The following SCNN1B variants were observed in gnomAD, a reference collection of about 807,000 sequenced individuals.
SCNN1B encodes sodium channel epithelial 1 subunit beta.
Under a neutral mutation model 65.3 loss-of-function variants are expected in SCNN1B, and 46 were observed. The observed-to-expected ratio is 0.70, with a 90% confidence interval of 0.56 to 0.90. The LOEUF (loss-of-function observed/expected upper bound fraction) is 0.90. SCNN1B is among the 40% of genes least tolerant of loss of function. The pLI, the probability that SCNN1B is intolerant of heterozygous loss-of-function variation, is 0.00. For synonymous variants in SCNN1B, 349 were observed against 330.6 expected, an observed-to-expected ratio of 1.06 and a Z score of -0.60; for missense variants, 751 against 830.5, an observed-to-expected ratio of 0.90 and a Z score of 1.18.
At chr16:23,295,982 C>T (rs911198986) in intron 2 of SCNN1B, among the ~76,000 whole-genome samples, 10 of 152,166 alleles carry the variant, frequency 6.6e-5, no homozygotes, top group Admixed American at 3.9e-4. Context: ...GAGTCCTGAG[C>T]GTCAGGCTGG....
chr16:23,360,863 C>T (rs1011113288), intron 4 of SCNN1B, among the ~76,000 whole-genome samples: 5 of 152,084 alleles, frequency 3.3e-5, no homozygotes, highest in African/African-American at 9.6e-5. Context: ...GGCACTATCT[C>T]GGCTCACCAC....
intron 1 of SCNN1B, among the ~76,000 whole-genome samples, chr16:23,330,726 C>T (rs1961794172): frequency 6.6e-6 from 1 of 152,124 alleles, no homozygotes; most frequent in Admixed American, 6.6e-5. Context: ...TCATGTGCCA[C>T]CACACCTGGC....
chr16:23,338,509 T>C (rs1961989401), intron 1 of SCNN1B, among the ~76,000 whole-genome samples: 1 of 152,248 alleles, frequency 6.6e-6, no homozygotes, highest in Admixed American at 6.5e-5. Flanking sequence ...TATTCCCCAG[T>C]AATCTTGGAT....
At chr16:23,310,290 CAAAAAAAAAAAA>C (rs202228096) in intron 1 of SCNN1B, among the ~76,000 whole-genome samples, 3 of 93,004 alleles carry the variant, frequency 3.2e-5, no homozygotes, top group South Asian at 3.2e-4. Flanking sequence ...TCTGCATGAC[CAAAAAAAAAAAA>C]AAAAAAAAAA....
chr16:23,374,297 G>A (rs1282409397), intron 7 of SCNN1B, among the ~76,000 whole-genome samples: 15 of 111,052 alleles, frequency 1.4e-4, no homozygotes, highest in Non-Finnish European at 2.5e-4. Context: ...AAAGAGGCCG[G>A]GCGCGATGGC....
chr16:23,341,504 A>T (rs1216474957), intron 1 of SCNN1B, among the ~76,000 whole-genome samples: 1 of 152,210 alleles, frequency 6.6e-6, no homozygotes, highest in Non-Finnish European at 1.5e-5. Flanking sequence ...GACACCATCA[A>T]GAAAGTAAAA....
chr16:23,356,178 G>C (rs1197086646), intron 4 of SCNN1B, among the ~76,000 whole-genome samples: 2 of 152,178 alleles, frequency 1.3e-5, no homozygotes, highest in African/African-American at 4.8e-5. Flanking sequence ...CTAGCAGCTG[G>C]GGGTGGGTGC....
upstream of SCNN1B, chr16:23,302,198 G>C (rs1961098114): frequency 6.6e-6 from 1 of 152,348 alleles, no homozygotes; most frequent in Non-Finnish European, 1.5e-5. Flanking sequence ...GAGGGAGGTG[G>C]CCAGGGGAGC....
intron 1 of SCNN1B, among the ~76,000 whole-genome samples, chr16:23,345,013 G>GAA: frequency 6.7e-6 from 1 of 148,868 alleles, no homozygotes; most frequent in East Asian, 1.9e-4. Context: ...GAGAGAAAGA[G>GAA]AGAGAGAGAG....
intron 1 of SCNN1B, among the ~76,000 whole-genome samples, chr16:23,305,555 T>TA (rs1961187519): frequency 4.0e-5 from 2 of 49,570 alleles, no homozygotes; most frequent in African/African-American, 1.6e-4. Context: ...TATATATATA[T>TA]ATATATATAT....
intron 1 of SCNN1B, among the ~76,000 whole-genome samples, chr16:23,344,185 G>A (rs1962138042): frequency 1.3e-5 from 2 of 152,154 alleles, no homozygotes; most frequent in East Asian, 1.9e-4. Flanking sequence ...CTTGCCATAA[G>A]TAGAAGGTGG....
chr16:23,355,224 G>A (rs1273745587), intron 3 of SCNN1B, 75 bp from the exon 4 acceptor site: 66 of 1,463,616 alleles, frequency 4.5e-5, no homozygotes, highest in Non-Finnish European at 5.8e-5. Flanking sequence ...TGCCCTGCTA[G>A]GGCCCTCGAG....
chr16:23,367,108 T>G (rs1962684909), intron 4 of SCNN1B, among the ~76,000 whole-genome samples: 1 of 152,184 alleles, frequency 6.6e-6, no homozygotes, highest in Non-Finnish European at 1.5e-5. Flanking sequence ...GCTTGTCATT[T>G]GATTTCGGGC....
At chr16:23,300,183 G>A (rs1238989690), upstream of SCNN1B, among the ~76,000 whole-genome samples, 1 of 152,104 alleles carries the variant, frequency 6.6e-6, no homozygotes, top group Non-Finnish European at 1.5e-5. Context: ...ACACACCAGA[G>A]CCTGTCAGGG....
intron 2 of SCNN1B, among the ~76,000 whole-genome samples, chr16:23,288,251 A>C (rs1467585159): frequency 6.6e-6 from 1 of 152,130 alleles, no homozygotes; most frequent in African/African-American, 2.4e-5. Context: ...CCCCCGTATC[A>C]GTTATATGAC....
chr16:23,377,047 C>T, intron 8 of SCNN1B, 118 bp from the exon 9 acceptor site: 3 of 900,020 alleles, frequency 3.3e-6, no homozygotes, highest in Admixed American at 2.0e-5. Flanking sequence ...GACACCTCCT[C>T]CTGCCACCTA....
intron 1 of SCNN1B, among the ~76,000 whole-genome samples, chr16:23,346,077 G>A (rs1235780304): frequency 6.6e-6 from 1 of 151,882 alleles, no homozygotes; most frequent in African/African-American, 2.4e-5. Context: ...CATGCATATG[G>A]GAAACAGAGT....
At chr16:23,343,361 A>G (rs1962092687) in intron 1 of SCNN1B, among the ~76,000 whole-genome samples, 1 of 151,922 alleles carries the variant, frequency 6.6e-6, no homozygotes, top group South Asian at 2.1e-4. Context: ...CTGAGGCAAG[A>G]GAATTGCTTG....
At position 23,319,045 on chromosome 16, in the gene SCNN1B, G is replaced by T. The variant is rs866305830; in HGVS notation, c.-9+16608G>T. 1.1e-3 allele frequency among the ~76,000 whole-genome samples: 159 copies of T among 142,726 alleles called. 5 individuals are homozygous for T. In the South Asian group the frequency reaches 0.024, roughly 22 times the overall value. The allele number at this position is 142,726 out of a possible 152,430, so 93.6% of individuals were successfully genotyped here. ...GTTTTTTGGGGGTTTTGTTTGTTTTGTTTTTTTTTTTTTTGAGACAGAGCC... is the reference window on the plus strand; with the variant it reads ...GTTTTTTGGGGGTTTTGTTTGTTTTTTTTTTTTTTTTTTTGAGACAGAGCC... On this transcript the variant is annotated intron_variant, in intron 1 of 12. Coordinates refer to ENST00000343070, the MANE Select transcript of SCNN1B (RefSeq NM_000336.3).
Sources: allele counts gnomAD v4.1 joint callset (sites outside exome capture counted in the v4.1 genomes callset), GRCh38; gene constraint gnomAD v4.1.1; transcripts MANE v1.5; gene names NCBI Gene and HGNC (gene_info 2026-07-23, HGNC 2026-07-21).